Variants in MYO5B observed in about 807,000 individuals in gnomAD.
MYO5B encodes unconventional myosin-Vb.
MYO5B carries 143 observed loss-of-function variants against 229.3 expected under a neutral mutation model. The observed-to-expected ratio is 0.62, with a 90% CI of 0.54 to 0.72. MYO5B has a LOEUF of 0.72. Ranked by LOEUF, MYO5B falls within the 30% of genes least tolerant of loss-of-function variation. The pLI is 0.00. For missense variants in MYO5B, 2,321 were observed against 2,331.0 expected, an observed-to-expected ratio of 1.00 and a Z score of 0.09; for synonymous variants, 918 against 885.2, an observed-to-expected ratio of 1.04 and a Z score of -0.66.
intron 4 of MYO5B, among the ~76,000 whole-genome samples, chr18:50,018,294 T>TTTTA (rs2026237771): frequency 1.3e-5 from 2 of 151,854 alleles, no homozygotes; most frequent in South Asian, 4.2e-4. Flanking sequence ...ATACCCATTT[T>TTTTA]TTTTTTTGCT....
At position 49,875,702 on chromosome 18, in the gene MYO5B, G is replaced by A. The variant is rs1344355633; in HGVS notation, c.3522C>T (p.Asp1174=). Residue 1174 remains aspartate (D), a synonymous_variant, in exon 26 of 40, where the codon GAC becomes GAT. Transcript: ENST00000285039. ...QVQLEKREQQ[D]SKKVQAEPPQ... Reference sequence around the variant, plus strand: ...CTTCACGTACCTGGACTTTCTTGCTGTCCTGCTGTTCTCTCTTCTCCAGCT... The same window carrying A: ...CTTCACGTACCTGGACTTTCTTGCTATCCTGCTGTTCTCTCTTCTCCAGCT... 1.2e-6 allele frequency: 2 copies of A among 1,614,012 alleles called. No individual in the cohort carries two copies. The highest frequency in any genetic ancestry group is 1.7e-6 in the Non-Finnish European group (2 of 1,180,018).
chr18:50,122,439 TAAAAA>T lies in MYO5B; in HGVS notation c.28-67066_28-67062del, dbSNP rs71169481. ...CAACATGGTGAAACCCTGTCTCAAC[TAAAAA>T]AAAAAAAAAAAAAAAAATCAGCCAG... On this transcript the variant is annotated intron_variant, in intron 1 of 39. Coordinates refer to ENST00000285039, the MANE Select transcript of MYO5B (RefSeq NM_001080467.3). 1.9e-4 allele frequency among the ~76,000 whole-genome samples: 8 copies of T among 41,878 alleles called. 1 individual carries two copies. In the East Asian group the frequency reaches 3.3e-3, roughly 17 times the overall value. 27.5% of individuals were successfully genotyped at this position (41,878 alleles called of 152,430 possible). A position where few individuals can be genotyped will look rare whatever the true frequency, so the allele number is the denominator to read the frequency against.
chr18:49,916,771 T>A (rs2025020195), intron 17 of MYO5B, among the ~76,000 whole-genome samples: 1 of 152,142 alleles, frequency 6.6e-6, no homozygotes, highest in Non-Finnish European at 1.5e-5. Flanking sequence ...GCTGTAAAGA[T>A]GTCGCTCCCC....
chr18:50,008,550 T>G (rs920409271), intron 4 of MYO5B, among the ~76,000 whole-genome samples: 30 of 152,046 alleles, frequency 2.0e-4, no homozygotes, highest in African/African-American at 6.5e-4. Flanking sequence ...CTTGTGTGTG[T>G]GGGGAATGGG....
intron 1 of MYO5B, among the ~76,000 whole-genome samples, chr18:50,135,548 G>A (rs1397073254): frequency 6.6e-6 from 1 of 152,180 alleles, no homozygotes; most frequent in Non-Finnish European, 1.5e-5. Flanking sequence ...TTCCAAGGAT[G>A]TCCCAAAGAC....
chr18:50,055,233 T>TCC, intron 2 of MYO5B, 35 bp downstream of exon 2: 4 of 279,048 alleles, frequency 1.4e-5, no homozygotes, highest in Admixed American at 4.1e-5. Context: ...CTGCCCCACC[T>TCC]CACCCCCGCC....
At chr18:50,073,676 T>C (rs2031011829) in intron 1 of MYO5B, among the ~76,000 whole-genome samples, 1 of 152,132 alleles carries the variant, frequency 6.6e-6, no homozygotes, top group African/African-American at 2.4e-5. Flanking sequence ...GTGCCCTTAT[T>C]TGGGTATGTA....
intron 10 of MYO5B, among the ~76,000 whole-genome samples, chr18:49,970,450 G>C (rs2025678909): frequency 6.6e-6 from 1 of 152,192 alleles, no homozygotes; most frequent in Non-Finnish European, 1.5e-5. Flanking sequence ...GGAAGCAGCT[G>C]TGGCCCATGC....
In MYO5B at chr18:49,936,236, C is replaced by T. The variant is rs1400536557; in HGVS notation, c.2003+16G>A. The T allele has an allele frequency of 2.5e-6, 4 of 1,571,912 alleles. No homozygotes were observed. Among genetic ancestry groups the T allele is most frequent in the African/African-American group, 1.3e-5 (1 of 74,172 alleles). ...TAAGGCTGGGCTGGACAGGCTAATGCCCAGCAGGCACTTACTGAAAGGGGA... is the reference window on the plus strand; with the variant it reads ...TAAGGCTGGGCTGGACAGGCTAATGTCCAGCAGGCACTTACTGAAAGGGGA... On this transcript the variant is annotated intron_variant, in intron 16 of 39. Coordinates refer to ENST00000285039, the MANE Select transcript of MYO5B (RefSeq NM_001080467.3).
chr18:49,963,109 C>A, intron 10 of MYO5B, 79 bp from the exon 11 acceptor site: 1 of 1,109,484 alleles, frequency 9.0e-7, no homozygotes, highest in South Asian at 1.2e-5. Context: ...GCTGCTCTGA[C>A]CCAGGTCTCC....
intron 16 of MYO5B, among the ~76,000 whole-genome samples, chr18:49,933,218 G>A (rs896970777): frequency 7.9e-5 from 12 of 152,140 alleles, no homozygotes; most frequent in African/African-American, 1.7e-4. Flanking sequence ...GCTGGCCTTC[G>A]GAAAACCAGT....
At chr18:50,122,084 T>C (rs1325564148) in intron 1 of MYO5B, among the ~76,000 whole-genome samples, 1 of 152,184 alleles carries the variant, frequency 6.6e-6, no homozygotes, top group Non-Finnish European at 1.5e-5. Flanking sequence ...CATAATTTAG[T>C]CTCAGTCTGT....
chr18:49,944,156 T>C (rs2025345861), intron 14 of MYO5B, among the ~76,000 whole-genome samples: 1 of 152,140 alleles, frequency 6.6e-6, no homozygotes, highest in Admixed American at 6.5e-5. Context: ...ACGTTGACTA[T>C]GCCTGGCACA....
chr18:49,892,421 G>C (rs1256449423), intron 22 of MYO5B, among the ~76,000 whole-genome samples: 1 of 152,192 alleles, frequency 6.6e-6, no homozygotes, highest in Non-Finnish European at 1.5e-5. Context: ...TATCGTCAGA[G>C]ATGGCAAGCC....
At chr18:50,000,675 T>C (rs370652565) in intron 5 of MYO5B, among the ~76,000 whole-genome samples, 1 of 152,170 alleles carries the variant, frequency 6.6e-6, no homozygotes, top group African/African-American at 2.4e-5. Context: ...GCCCCTATCA[T>C]GAAGGCTGAG....
At chr18:50,163,442 T>C (rs1208772503) in intron 1 of MYO5B, among the ~76,000 whole-genome samples, 1 of 152,220 alleles carries the variant, frequency 6.6e-6, no homozygotes. Flanking sequence ...AATGGCTTTT[T>C]ACTTTTTCTA....
intron 1 of MYO5B, among the ~76,000 whole-genome samples, chr18:50,162,281 A>ATCCC (rs1228555429): frequency 6.6e-6 from 1 of 152,188 alleles, no homozygotes; most frequent in East Asian, 1.9e-4. Flanking sequence ...ATCCTGAACC[A>ATCCC]TCCCTCCCTC....
At chr18:49,960,130 C>T (rs949429598) in intron 12 of MYO5B, among the ~76,000 whole-genome samples, 1 of 152,094 alleles carries the variant, frequency 6.6e-6, no homozygotes, top group East Asian at 1.9e-4. Flanking sequence ...TTATCTAAAC[C>T]CCAGCTCACT....
chr18:49,893,754 GGAA>G (rs1442261192), intron 22 of MYO5B, among the ~76,000 whole-genome samples: 1 of 152,208 alleles, frequency 6.6e-6, no homozygotes, highest in East Asian at 1.9e-4. Flanking sequence ...GCCCGAGGTG[GGAA>G]GAAGATCTAT....
Sources: gnomAD v4.1 joint callset for allele counts (sites outside exome capture counted in the v4.1 genomes callset) on GRCh38, gnomAD v4.1.1 for gene constraint, MANE v1.5 for transcripts, NCBI Gene and HGNC (gene_info 2026-07-23, HGNC 2026-07-21) for gene names.